The following RTL4 variants were observed in gnomAD, a reference collection of about 807,000 sequenced individuals.
RTL4 encodes the protein retrotransposon Gag-like protein 4.
Under a neutral mutation model 5.3 loss-of-function variants are expected in RTL4, and 4 were observed. That is an observed-to-expected ratio of 0.75 (90% CI 0.37 to 1.72). RTL4 has a LOEUF of 1.72. RTL4 is among the 40% of genes most tolerant of loss of function. The pLI, the probability that RTL4 is intolerant of heterozygous loss-of-function variation, is 0.04. For synonymous variants in RTL4, 98 were observed against 87.3 expected (o/e 1.12, Z -0.68); for missense variants, 260 against 227.1 (o/e 1.14, Z -0.93).
the RTL4 span, among the ~76,000 whole-genome samples, chrX:112,351,181 G>A: frequency 1.7e-4 from 19 of 110,973 alleles, no homozygotes; most frequent in African/African-American, 5.9e-4. Context: ...GTGGTTTTGA[G>A]TGAGTTTCTT....
At chrX:112,213,134 G>A in the RTL4 span, among the ~76,000 whole-genome samples, 5 of 112,939 alleles carry the variant, frequency 4.4e-5, no homozygotes, top group South Asian at 1.8e-3. Context: ...ATGAGTCGCA[G>A]CAATGGGGAA....
the RTL4 span, among the ~76,000 whole-genome samples, chrX:112,353,203 G>A: frequency 1.8e-5 from 2 of 111,620 alleles, no homozygotes; most frequent in African/African-American, 6.5e-5. Flanking sequence ...GAGAGGATGT[G>A]GAGAAATAGG....
the RTL4 span, among the ~76,000 whole-genome samples, chrX:112,106,774 CA>C: frequency 8.9e-6 from 1 of 111,794 alleles, no homozygotes; most frequent in East Asian, 2.8e-4. Context: ...TGATCTTGAG[CA>C]CTTTAAAAAT....
the RTL4 span, among the ~76,000 whole-genome samples, chrX:112,436,366 G>A: frequency 9.0e-6 from 1 of 110,957 alleles, no homozygotes. Context: ...TAGACACTTG[G>A]GGAAAAAACT....
At chrX:112,440,062 A>G in the RTL4 span, among the ~76,000 whole-genome samples, 1 of 111,896 alleles carries the variant, frequency 8.9e-6, no homozygotes, top group South Asian at 3.7e-4. Flanking sequence ...AAGAAAGAGG[A>G]ACACAAATGT....
chrX:112,260,422 A>G, the RTL4 span, among the ~76,000 whole-genome samples: 1,684 of 111,865 alleles, frequency 0.015, 31 homozygotes, highest in African/African-American at 0.052. Context: ...AATTCAGAAC[A>G]AAAGACTTGG....
chrX:112,353,721 A>G, the RTL4 span, among the ~76,000 whole-genome samples: 2 of 110,421 alleles, frequency 1.8e-5, no homozygotes, highest in Non-Finnish European at 3.8e-5. Context: ...ATTAGGAGAT[A>G]TACCTAATGC....
chrX:112,315,762 T>A, the RTL4 span, among the ~76,000 whole-genome samples: 1 of 112,038 alleles, frequency 8.9e-6, no homozygotes, highest in East Asian at 2.8e-4. Flanking sequence ...GCTCTTTGTA[T>A]ACATCTAACC....
chrX:112,210,081 T>C, the RTL4 span, among the ~76,000 whole-genome samples: 1 of 111,905 alleles, frequency 8.9e-6, no homozygotes, highest in Non-Finnish European at 1.9e-5. Context: ...CTTCTCCTGT[T>C]CTGGACCCCA....
the RTL4 span, among the ~76,000 whole-genome samples, chrX:112,101,889 T>C: frequency 9.0e-6 from 1 of 110,661 alleles, no homozygotes; most frequent in African/African-American, 3.3e-5. Context: ...ATTAGAGTTA[T>C]GCTGACACAC....
the RTL4 span, among the ~76,000 whole-genome samples, chrX:112,162,047 A>ACTT: frequency 9.1e-6 from 1 of 110,152 alleles, no homozygotes; most frequent in Non-Finnish European, 1.9e-5. Flanking sequence ...TTTAGAAATA[A>ACTT]CTTATATTTC....
the RTL4 span, among the ~76,000 whole-genome samples, chrX:112,165,130 C>T: frequency 8.9e-6 from 1 of 111,791 alleles, no homozygotes; most frequent in African/African-American, 3.3e-5. Flanking sequence ...CTGCCTCGCG[C>T]GGTCATGGCT....
At chrX:112,231,725 A>G in the RTL4 span, among the ~76,000 whole-genome samples, 313 of 111,125 alleles carry the variant, frequency 2.8e-3, no homozygotes, top group African/African-American at 9.4e-3. Flanking sequence ...GTATAATAAT[A>G]ATAAAAAAAT....
chrX:112,251,381 T>G, the RTL4 span, among the ~76,000 whole-genome samples: 65 of 111,963 alleles, frequency 5.8e-4, no homozygotes, highest in African/African-American at 2.1e-3. Flanking sequence ...TTCTTCATCC[T>G]TTCCTCAGTG....
chrX:112,100,212 C>T, the RTL4 span, among the ~76,000 whole-genome samples: 3 of 111,714 alleles, frequency 2.7e-5, no homozygotes, highest in East Asian at 2.8e-4. Flanking sequence ...AATGAAGGGA[C>T]CTTAACAAGA....
the RTL4 span, among the ~76,000 whole-genome samples, chrX:112,438,542 A>G: frequency 8.9e-6 from 1 of 112,400 alleles, no homozygotes; most frequent in Admixed American, 9.4e-5. Flanking sequence ...ACGCAGTGAG[A>G]CTGCAAGTTC....
At chrX:112,257,624 T>C in the RTL4 span, among the ~76,000 whole-genome samples, 1 of 109,791 alleles carries the variant, frequency 9.1e-6, no homozygotes, top group East Asian at 2.8e-4. Context: ...ATGATGCTTT[T>C]GTTGCTGGGT....
chrX:112,230,399 G>A, the RTL4 span, among the ~76,000 whole-genome samples: 1 of 112,152 alleles, frequency 8.9e-6, no homozygotes, highest in East Asian at 2.8e-4. Context: ...TAGGGTGGGA[G>A]TGACCCGATT....
At chrX:112,329,215 C>G in the RTL4 span, among the ~76,000 whole-genome samples, 1 of 110,820 alleles carries the variant, frequency 9.0e-6, no homozygotes, top group Non-Finnish European at 1.9e-5. Flanking sequence ...CTAATGAATC[C>G]AGGAGCTGGT....
Sources: allele counts gnomAD v4.1 joint callset (sites outside exome capture counted in the v4.1 genomes callset), GRCh38; gene constraint gnomAD v4.1.1; transcripts MANE v1.5; gene names NCBI Gene and HGNC (gene_info 2026-07-23, HGNC 2026-07-21).